The following UNC45B variants were observed in gnomAD, a reference collection of about 807,000 sequenced individuals.
UNC45B encodes unc-45 myosin chaperone B, also known as protein unc-45 homolog B.
UNC45B carries 78 observed loss-of-function variants against 98.7 expected under a neutral mutation model. The observed-to-expected ratio is 0.79, with a 90% confidence interval of 0.66 to 0.95. The LOEUF (loss-of-function observed/expected upper bound fraction) is 0.95. Ranked by LOEUF, UNC45B falls within the 40% of genes least tolerant of loss-of-function variation. The pLI is 0.00. For missense variants in UNC45B, 1,225 were observed against 1,184.9 expected, an observed-to-expected ratio of 1.03 and a Z score of -0.50; for synonymous variants, 462 against 480.4, an observed-to-expected ratio of 0.96 and a Z score of 0.50.
chr17:35,157,809 G>T (rs2092074271), intron 7 of UNC45B, among the ~76,000 whole-genome samples: 1 of 152,006 alleles, frequency 6.6e-6, no homozygotes, highest in African/African-American at 2.4e-5. Flanking sequence ...GGATTCCTTT[G>T]TCTTTGGATG....
Position 35,170,166 on chromosome 17 carries a change from G to A in UNC45B, c.1600G>A (p.Gly534Ser). The A allele has an allele frequency of 6.2e-7, 1 of 1,613,876 alleles. No individual in the cohort carries two copies. The highest frequency in any genetic ancestry group is 1.3e-5 in the African/African-American group (1 of 75,030). Residue 534 changes from glycine to serine, a missense_variant, in exon 12 of 20, where the codon GGC becomes AGC. Transcript: ENST00000394570. ...DTRTRRWAVEGLAYLTLDADV... is the reference protein window; with the variant it reads ...DTRTRRWAVESLAYLTLDADV... ...TCGGACCCGACGCTGGGCAGTGGAGGGCCTGGCCTACCTCACGCTGGACGC... is the reference window on the plus strand; with the variant it reads ...TCGGACCCGACGCTGGGCAGTGGAGAGCCTGGCCTACCTCACGCTGGACGC...
At chr17:35,163,405 C>T (rs561833174) in intron 8 of UNC45B, among the ~76,000 whole-genome samples, 1 of 152,178 alleles carries the variant, frequency 6.6e-6, no homozygotes, top group South Asian at 2.1e-4. Context: ...GTTGAATTTG[C>T]CCAACGGTAA....
Position 35,186,297 on chromosome 17 carries a change from A to C in UNC45B, c.2530-2A>C. ...CTTCCTTACCTTTTTCCCTGCCTCC[A>C]GACAACCCAGTGGTTGGAGATCCTC... On this transcript the variant is annotated splice_acceptor_variant, in intron 19 of 19. Transcript: ENST00000394570. LOFTEE classifies it high-confidence loss of function. 1 of 1,613,660 alleles carries C rather than the reference A, an allele frequency of 6.2e-7. No individual in the cohort carries two copies. Among genetic ancestry groups the C allele is most frequent in the Non-Finnish European group, 8.5e-7 (1 of 1,179,878 alleles).
At position 35,149,301 on chromosome 17, in the gene UNC45B, T is replaced by C. The variant is rs79319156; in HGVS notation, c.205+292T>C. Among the ~76,000 whole-genome samples, 531 of 152,326 alleles carry C rather than the reference T, an allele frequency of 3.5e-3. 1 individual carries two copies. Among genetic ancestry groups the C allele is most frequent in the African/African-American group, 0.012 (507 of 41,580 alleles). On this transcript the variant is annotated intron_variant, in intron 3 of 19. Coordinates refer to ENST00000394570, the MANE Select transcript of UNC45B (RefSeq NM_001267052.2). ...GATTTCATCTCAAGGGTTCCAGGGC[T>C]GGGCAATGTTACAGGGAACACATTT...
At position 35,150,140 on chromosome 17, in the gene UNC45B, G is replaced by A. The variant is rs199738575; in HGVS notation, c.298G>A (p.Val100Met). The change falls in exon 4 of 20, where the codon GTG (valine) becomes ATG (methionine). Residue 100 changes from valine (V) to methionine (M), a missense_variant. By Grantham distance (21) the Val-to-Met change is conservative (BLOSUM62 1). Coordinates refer to ENST00000394570, the MANE Select transcript of UNC45B (RefSeq NM_001267052.2). Reference sequence around the variant, plus strand: ...GAAGCTGGACCAGGCCTTCAAAGACGTGCAGCGTTGTGCCACCCTCGAGCC... The same window carrying A: ...GAAGCTGGACCAGGCCTTCAAAGACATGCAGCGTTGTGCCACCCTCGAGCC... ...LGKLDQAFKD[V>M]QRCATLEPRN... 711 of 1,613,682 alleles carry A rather than the reference G, an allele frequency of 4.4e-4. No individual in the cohort carries two copies. The highest frequency in any genetic ancestry group is 4.9e-4 in the Middle Eastern group (3 of 6,082).
intron 8 of UNC45B, among the ~76,000 whole-genome samples, chr17:35,160,145 T>C (rs2092092488): frequency 6.6e-6 from 1 of 152,104 alleles, no homozygotes; most frequent in Admixed American, 6.5e-5. Flanking sequence ...ATTACATGAA[T>C]GCACATGTTG....
intron 7 of UNC45B, among the ~76,000 whole-genome samples, chr17:35,157,441 A>T (rs1367619341): frequency 6.6e-6 from 1 of 151,968 alleles, no homozygotes; most frequent in Non-Finnish European, 1.5e-5. Context: ...AGCTCAGGTG[A>T]TCCGCCCGCC....
chr17:35,186,250 G>A, intron 19 of UNC45B, 49 bp from the exon 20 acceptor site: 1 of 1,599,506 alleles, frequency 6.3e-7, no homozygotes, highest in South Asian at 1.1e-5. Context: ...ATGAACTCTG[G>A]GGACACACTC....
At position 35,154,720 on chromosome 17, in the gene UNC45B, G is replaced by A. The variant is rs369152226; in HGVS notation, c.618G>A (p.Met206Ile). 6.3e-7 allele frequency: 1 copy of A among 1,594,400 alleles called. No individual in the cohort carries two copies. The highest frequency in any genetic ancestry group is 8.5e-7 in the Non-Finnish European group (1 of 1,173,428). ...CTGCAGTGCGGACCCTGTCGGGCATGTGCAGCGGCCACCAAGCCAGAGTAA... is the reference window on the plus strand; with the variant it reads ...CTGCAGTGCGGACCCTGTCGGGCATATGCAGCGGCCACCAAGCCAGAGTAA... ...VLAAVRTLSG[M>I]CSGHQARATV... Residue 206 changes from methionine to isoleucine, a missense_variant, in exon 6 of 20, where the codon ATG (methionine) becomes ATA (isoleucine). Coordinates refer to ENST00000394570, the MANE Select transcript of UNC45B (RefSeq NM_001267052.2).
intron 12 of UNC45B, 71 bp downstream of exon 12, chr17:35,170,326 T>C (rs1247473151): frequency 2.7e-6 from 4 of 1,461,888 alleles, no homozygotes; most frequent in African/African-American, 1.4e-5. Context: ...CCACAGGGAA[T>C]GGATCCCAGT....
At chr17:35,159,652 A>G (rs2092089098) in intron 8 of UNC45B, 107 bp downstream of exon 8, 2 of 1,292,976 alleles carry the variant, frequency 1.5e-6, no homozygotes, top group Non-Finnish European at 2.1e-6. Flanking sequence ...CTTCAGTTCT[A>G]ACTGAAAAGA....
At chr17:35,151,159 T>C (rs1398671674) in intron 4 of UNC45B, 1 of 273,648 alleles carries the variant, frequency 3.7e-6, no homozygotes, top group Non-Finnish European at 7.0e-6. Context: ...TCTTCCCTGT[T>C]CACTCGCCAT....
chr17:35,156,920 G>T (rs1299534169), intron 7 of UNC45B, among the ~76,000 whole-genome samples: 1 of 151,844 alleles, frequency 6.6e-6, no homozygotes, highest in African/African-American at 2.4e-5. Context: ...TTCTTTAAAA[G>T]GACTCCTTTG....
intron 13 of UNC45B, 48 bp from the exon 14 acceptor site, chr17:35,174,194 G>T (rs1208022000): frequency 6.2e-7 from 1 of 1,612,752 alleles, no homozygotes; most frequent in Non-Finnish European, 8.5e-7. Flanking sequence ...ATACCGATTG[G>T]CCTGGCACCC....
In UNC45B at chr17:35,175,821, TG is replaced by T. The variant is rs1423978706; in HGVS notation, c.1959-143del. 3 of 698,152 alleles carry T rather than the reference TG, an allele frequency of 4.3e-6. No homozygotes were observed. In the African/African-American group the frequency reaches 5.3e-5, roughly 12 times the overall value. The allele number at this position is 698,152 out of a possible 1,614,324, so 43.2% of individuals were successfully genotyped here. A position where few individuals can be genotyped will look rare whatever the true frequency, so the allele number is the denominator to read the frequency against. ...GTCATCTTCCCAAAGTGGTTAATTC[TG>T]GGGCACAGGCACACAAGTGGCACTT... is the stretch of plus-strand genomic sequence containing the variant. On this transcript the variant is annotated intron_variant, in intron 14 of 19. Coordinates refer to ENST00000394570, the MANE Select transcript of UNC45B (RefSeq NM_001267052.2).
At chr17:35,163,946 A>G in intron 8 of UNC45B, 49 bp from the exon 9 acceptor site, 1 of 1,539,536 alleles carries the variant, frequency 6.5e-7, no homozygotes, top group East Asian at 2.3e-5. Context: ...GGTGTGTGTG[A>G]GGATGGAGCC....
chr17:35,171,855 G>A (rs771594863), intron 13 of UNC45B, among the ~76,000 whole-genome samples: 2 of 152,148 alleles, frequency 1.3e-5, no homozygotes, highest in African/African-American at 2.4e-5. Context: ...GAGAGGAGAG[G>A]CATGGTCAGC....
chr17:35,181,170 C>A (rs1469470438), intron 18 of UNC45B, among the ~76,000 whole-genome samples: 1 of 152,210 alleles, frequency 6.6e-6, no homozygotes, highest in Non-Finnish European at 1.5e-5. Context: ...TATAACTGTA[C>A]TCAGCACAGA....
chr17:35,157,544 G>A (rs750786770), intron 7 of UNC45B, among the ~76,000 whole-genome samples: 1 of 152,112 alleles, frequency 6.6e-6, no homozygotes, highest in Non-Finnish European at 1.5e-5. Flanking sequence ...TAGAAAAGGA[G>A]CACTGGGTCA....
Sources: gnomAD v4.1 joint callset for allele counts (sites outside exome capture counted in the v4.1 genomes callset) on GRCh38, gnomAD v4.1.1 for gene constraint, MANE v1.5 for transcripts, NCBI Gene and HGNC (gene_info 2026-07-23, HGNC 2026-07-21) for gene names.